GAS2: variants seen among roughly 807,000 people sequenced by gnomAD.
GAS2 encodes the protein growth arrest-specific protein 2.
A neutral mutation model predicts 37.5 loss-of-function variants in GAS2; 20 were observed. That is an observed-to-expected ratio of 0.53 (90% CI 0.37 to 0.77). The LOEUF is 0.77. Ranked by LOEUF, GAS2 falls within the 30% of genes least tolerant of loss-of-function variation. The probability of loss-of-function intolerance (pLI) is 0.00; values close to 1 mark genes in which losing one functional copy is unlikely to be tolerated. For synonymous variants in GAS2, 144 were observed against 132.2 expected, an observed-to-expected ratio of 1.09 and a Z score of -0.61; for missense variants, 336 against 373.4, an observed-to-expected ratio of 0.90 and a Z score of 0.82.
chr11:22,725,694 G>A (rs1852169412), intron 3 of GAS2, among the ~76,000 whole-genome samples: 1 of 152,098 alleles, frequency 6.6e-6, no homozygotes, highest in Admixed American at 6.6e-5. Context: ...AGAGTGCTGG[G>A]ATTACAGGCA....
intron 1 of GAS2, among the ~76,000 whole-genome samples, chr11:22,630,980 A>G (rs187412776): frequency 5.3e-5 from 8 of 152,208 alleles, no homozygotes; most frequent in Non-Finnish European, 8.8e-5. Flanking sequence ...CATGAGCATG[A>G]GGTGTATTTC....
chr11:22,778,483 A>G (rs1855379631), intron 7 of GAS2, among the ~76,000 whole-genome samples: 5 of 152,264 alleles, frequency 3.3e-5, no homozygotes, highest in Non-Finnish European at 7.3e-5. Context: ...AGGAGGGGTT[A>G]CTTTGGGTAA....
intron 2 of GAS2, among the ~76,000 whole-genome samples, chr11:22,684,060 G>A (rs1849825157): frequency 6.6e-6 from 1 of 152,180 alleles, no homozygotes; most frequent in South Asian, 2.1e-4. Context: ...AGAAGGTAGG[G>A]CATTGAAGTT....
intron 3 of GAS2, among the ~76,000 whole-genome samples, chr11:22,720,354 G>T (rs188970193): frequency 1.3e-5 from 2 of 151,972 alleles, no homozygotes; most frequent in African/African-American, 4.8e-5. Context: ...GAGGCACAGG[G>T]TCTTACTGCA....
At chr11:22,722,511 G>A (rs929375505) in intron 3 of GAS2, among the ~76,000 whole-genome samples, 2 of 151,932 alleles carry the variant, frequency 1.3e-5, no homozygotes, top group Non-Finnish European at 2.9e-5. Context: ...GCTAGTGAGT[G>A]AGTGAGCCTA....
At chr11:22,716,998 C>A (rs1308177905) in intron 3 of GAS2, among the ~76,000 whole-genome samples, 3 of 152,098 alleles carry the variant, frequency 2.0e-5, no homozygotes, top group Non-Finnish European at 4.4e-5. Flanking sequence ...AAATCATAGA[C>A]AATGCAAGCA....
intron 7 of GAS2, among the ~76,000 whole-genome samples, chr11:22,770,006 A>G (rs1854892962): frequency 6.6e-6 from 1 of 152,198 alleles, no homozygotes; most frequent in Admixed American, 6.5e-5. Flanking sequence ...AGGGACATGG[A>G]TGAAACTGGA....
rs557318241 is a variant in GAS2, at chr11:22,763,309, T to G, written c.723+7356T>G. On this transcript the variant is annotated intron_variant, in intron 7 of 7. Coordinates refer to ENST00000454584, the MANE Select transcript of GAS2 (RefSeq NM_001143830.3). ...AAGCAAGAGAGGCACCAAAGCTCTGTTGCTATAGCAACTGAACTTGGCAAT... is the reference window on the plus strand; with the variant it reads ...AAGCAAGAGAGGCACCAAAGCTCTGGTGCTATAGCAACTGAACTTGGCAAT... Among the ~76,000 whole-genome samples, 13 of 152,248 alleles carry G rather than the reference T, an allele frequency of 8.5e-5. No homozygotes were observed. The East Asian group carries it at 2.5e-3, about 29-fold the overall frequency.
intron 3 of GAS2, among the ~76,000 whole-genome samples, chr11:22,725,192 G>T (rs888624994): frequency 6.6e-6 from 1 of 151,922 alleles, no homozygotes; most frequent in Non-Finnish European, 1.5e-5. Flanking sequence ...ATAACACTTG[G>T]TATGGTTCCA....
chr11:22,776,825 G>A (rs1194473243), intron 7 of GAS2, among the ~76,000 whole-genome samples: 1 of 152,102 alleles, frequency 6.6e-6, no homozygotes, highest in South Asian at 2.1e-4. Context: ...GATTCACTTA[G>A]CCTTGAGAAA....
chr11:22,737,818 C>A, intron 5 of GAS2, 50 bp downstream of exon 5: 1 of 1,514,316 alleles, frequency 6.6e-7, no homozygotes, highest in Non-Finnish European at 9.2e-7. Flanking sequence ...TTTCAGCATC[C>A]AAGCAACACA....
At chr11:22,647,632 G>C (rs1848717532) in intron 1 of GAS2, among the ~76,000 whole-genome samples, 1 of 152,172 alleles carries the variant, frequency 6.6e-6, no homozygotes, top group Non-Finnish European at 1.5e-5. Flanking sequence ...GTGTGAGACG[G>C]TATCTCATTG....
At chr11:22,763,328 T>G (rs1379421118) in intron 7 of GAS2, among the ~76,000 whole-genome samples, 2 of 152,174 alleles carry the variant, frequency 1.3e-5, no homozygotes, top group African/African-American at 4.8e-5. Flanking sequence ...CAACTGAACT[T>G]GGCAATGTCT....
intron 1 of GAS2, among the ~76,000 whole-genome samples, chr11:22,659,128 C>G (rs337512): frequency 0.97 from 147,392 of 152,286 alleles, 71,526 homozygotes; most frequent in East Asian, 1. Context: ...GAAACCTGTT[C>G]AAGTTTTATT....
intron 7 of GAS2, among the ~76,000 whole-genome samples, chr11:22,789,303 T>TATATATACACACAC (rs1350750428): frequency 9.0e-6 from 1 of 111,120 alleles, no homozygotes; most frequent in African/African-American, 3.7e-5. Flanking sequence ...TATATATATA[T>TATATATACACACAC]ACACACACAC....
At chr11:22,661,851 A>G (rs116959723), upstream of GAS2, among the ~76,000 whole-genome samples, 4,653 of 152,258 alleles carry the variant, frequency 0.031, 110 homozygotes, top group Non-Finnish European at 0.041. Context: ...TAGTTTCTTT[A>G]CAGTCAGATT....
chr11:22,737,585 C>A, intron 4 of GAS2, 120 bp from the exon 5 acceptor site: 1 of 878,434 alleles, frequency 1.1e-6, no homozygotes, highest in Non-Finnish European at 1.9e-6. Context: ...CTATGACTGT[C>A]AGAATGAAGA....
intron 1 of GAS2, among the ~76,000 whole-genome samples, chr11:22,660,747 T>C (rs1337932293): frequency 6.6e-6 from 1 of 152,170 alleles, no homozygotes; most frequent in Non-Finnish European, 1.5e-5. Flanking sequence ...TGCAAATGAC[T>C]CTAGAGACTA....
At chr11:22,742,043 G>A (rs1259566049) in intron 5 of GAS2, among the ~76,000 whole-genome samples, 1 of 151,964 alleles carries the variant, frequency 6.6e-6, no homozygotes, top group African/African-American at 2.4e-5. Flanking sequence ...TGTGTCAAGT[G>A]CCAGAAAAAT....
Sources: allele counts gnomAD v4.1 joint callset (sites outside exome capture counted in the v4.1 genomes callset), GRCh38; gene constraint gnomAD v4.1.1; transcripts MANE v1.5; gene names NCBI Gene and HGNC (gene_info 2026-07-23, HGNC 2026-07-21).